DENND4C: variants seen among roughly 807,000 people sequenced by gnomAD.
DENND4C encodes the protein DENN domain containing 4C, also known as DENN domain-containing protein 4C.
Under a neutral mutation model 203.0 loss-of-function variants are expected in DENND4C, and 108 were observed. The ratio of observed to expected loss-of-function variants is 0.53; its 90% CI spans 0.46 to 0.62. The LOEUF (loss-of-function observed/expected upper bound fraction) is 0.62, where lower values mean the gene tolerates loss of function less well. DENND4C is among the 20% of genes least tolerant of loss of function. The probability of loss-of-function intolerance (pLI) is 0.00; values close to 1 mark genes in which losing one functional copy is unlikely to be tolerated. For missense variants in DENND4C, 2,481 were observed against 2,301.2 expected, an observed-to-expected ratio of 1.08 and a Z score of -1.60; for synonymous variants, 871 against 792.4, an observed-to-expected ratio of 1.10 and a Z score of -1.67.
intron 1 of DENND4C, among the ~76,000 whole-genome samples, chr9:19,274,556 A>C (rs766311910): frequency 6.6e-6 from 1 of 152,200 alleles, no homozygotes; most frequent in Non-Finnish European, 1.5e-5. Context: ...CGGCCTTCCA[A>C]AGTGCTGGGA....
intron 20 of DENND4C, among the ~76,000 whole-genome samples, chr9:19,340,027 G>A (rs1018805620): frequency 4.6e-5 from 7 of 152,034 alleles, no homozygotes; most frequent in African/African-American, 1.7e-4. Context: ...ATGTTTCTGA[G>A]CACTACCTTT....
At chr9:19,239,365 ATTATT>A (rs1823106199) in intron 1 of DENND4C, among the ~76,000 whole-genome samples, 1 of 152,040 alleles carries the variant, frequency 6.6e-6, no homozygotes, top group Non-Finnish European at 1.5e-5. Flanking sequence ...TTAGGAGACT[ATTATT>A]TAATTTCTAA....
At chr9:19,267,088 A>G (rs897365279) in intron 1 of DENND4C, among the ~76,000 whole-genome samples, 3 of 152,174 alleles carry the variant, frequency 2.0e-5, no homozygotes, top group Non-Finnish European at 2.9e-5. Flanking sequence ...TATATTCTGC[A>G]GCCGTTAGAT....
In DENND4C at chr9:19,335,401, A is replaced by G. The variant is rs550493060; in HGVS notation, c.2589+296A>G. On this transcript the variant is annotated intron_variant, in intron 18 of 32. Transcript: ENST00000434457. ...CTTAGAAATTTTCAAAATACAATACATTGTTATTAACTGTAGTCCCCATGT... is the reference window on the plus strand; with the variant it reads ...CTTAGAAATTTTCAAAATACAATACGTTGTTATTAACTGTAGTCCCCATGT... Among the ~76,000 whole-genome samples the G allele has an allele frequency of 4.0e-4, 61 of 152,262 alleles. 1 individual carries two copies. In the South Asian group the frequency reaches 0.011, roughly 28 times the overall value.
chr9:19,250,566 C>T (rs2131596750), intron 1 of DENND4C, among the ~76,000 whole-genome samples: 1 of 152,226 alleles, frequency 6.6e-6, no homozygotes, highest in South Asian at 2.1e-4. Context: ...CTCAAAAGTC[C>T]ACAGTCCAAA....
At chr9:19,301,306 CTCTCT>C in intron 9 of DENND4C, among the ~76,000 whole-genome samples, 1 of 152,320 alleles carries the variant, frequency 6.6e-6, no homozygotes, top group Non-Finnish European at 1.5e-5. Flanking sequence ...AAATAGCTGA[CTCTCT>C]TCTCTTCCCT....
chr9:19,246,739 T>C (rs1825370133), intron 1 of DENND4C, among the ~76,000 whole-genome samples: 1 of 152,196 alleles, frequency 6.6e-6, no homozygotes, highest in Admixed American at 6.6e-5. Context: ...GTTTGTTTGT[T>C]TTATTTTTAT....
In DENND4C at chr9:19,373,114, T is replaced by C. The variant is rs1829115610; in HGVS notation, c.*941T>C. The C allele has an allele frequency of 6.6e-6, 1 of 152,192 alleles. No homozygotes were observed. The highest frequency in any genetic ancestry group is 2.1e-4 in the South Asian group (1 of 4,834). The allele number at this position is 152,192 out of a possible 1,614,324, so 9.4% of individuals were successfully genotyped here. ...AGCTGCCTTCCCTAACTTTAATGTATTAGGTTGGCACAAAATTAATTGTAG... is the reference window on the plus strand; with the variant it reads ...AGCTGCCTTCCCTAACTTTAATGTACTAGGTTGGCACAAAATTAATTGTAG... On this transcript the variant is annotated 3_prime_UTR_variant, in exon 33 of 33. Transcript: ENST00000434457.
chr9:19,344,236 A>G (rs1043059457), intron 22 of DENND4C, among the ~76,000 whole-genome samples: 4 of 152,230 alleles, frequency 2.6e-5, no homozygotes, highest in Non-Finnish European at 5.9e-5. Flanking sequence ...AGCAATGGAT[A>G]AAAAAGAAAA....
intron 16 of DENND4C, among the ~76,000 whole-genome samples, chr9:19,328,589 G>T (rs1175759695): frequency 6.6e-6 from 1 of 151,966 alleles, no homozygotes; most frequent in Non-Finnish European, 1.5e-5. Flanking sequence ...CTCCAGCCTG[G>T]GTGACAAGAG....
chr9:19,234,747 T>A (rs1821479313), intron 1 of DENND4C, among the ~76,000 whole-genome samples: 2 of 151,910 alleles, frequency 1.3e-5, no homozygotes, highest in South Asian at 4.2e-4. Flanking sequence ...TTTGCCATAT[T>A]GCCCAGGCTG....
chr9:19,333,690 T>C (rs1330390094), intron 17 of DENND4C, among the ~76,000 whole-genome samples: 1 of 152,176 alleles, frequency 6.6e-6, no homozygotes, highest in African/African-American at 2.4e-5. Context: ...ATGCATTTTC[T>C]CTCTCAAGCC....
rs560581162 is a variant in DENND4C at position 19,333,525 on chromosome 9, G to A, written c.2460+1341G>A. Among the ~76,000 whole-genome samples the A allele has an allele frequency of 5.9e-5, 9 of 152,176 alleles. No homozygotes were observed. The South Asian group carries it at 1.2e-3, about 21-fold the overall frequency. ...GATCATGACAATCAAAAATGTTCCC[G>A]GAGAGCGAAATTGCTCCTGGAGAAC... On this transcript the variant is annotated intron_variant, in intron 17 of 32. Coordinates refer to ENST00000434457, the MANE Select transcript of DENND4C (RefSeq NM_001330640.2).
intron 1 of DENND4C, among the ~76,000 whole-genome samples, chr9:19,246,355 G>A (rs1166586651): frequency 1.1e-4 from 16 of 152,108 alleles, no homozygotes; most frequent in Admixed American, 1.0e-3. Flanking sequence ...CCATTGCTGT[G>A]TCTGCTTGTC....
At chr9:19,334,298 G>T (rs1819931678) in intron 17 of DENND4C, among the ~76,000 whole-genome samples, 1 of 152,014 alleles carries the variant, frequency 6.6e-6, no homozygotes, top group African/African-American at 2.4e-5. Context: ...TGATCTGCCT[G>T]CCTGGGCCTC....
In DENND4C at chr9:19,346,980, C is replaced by T. The variant is rs1454016877; in HGVS notation, c.4211C>T (p.Ser1404Leu). The T allele has an allele frequency of 6.2e-7, 1 of 1,614,034 alleles. No individual in the cohort carries two copies. Among genetic ancestry groups the T allele is most frequent in the Non-Finnish European group, 8.5e-7 (1 of 1,180,024 alleles). The change falls in exon 23 of 33, where the codon TCA (serine) becomes TTA (leucine). Residue 1404 changes from serine to leucine, a missense_variant. Coordinates refer to ENST00000434457, the MANE Select transcript of DENND4C (RefSeq NM_001330640.2). ...GGGCTAAAGCTGGATAATATACTCT[C>T]AGGGCCCAAGATAGATGTCCTGAAA... ...LSGLKLDNIL[S>L]GPKIDVLKSG...
At chr9:19,231,550 TTTTTC>T (rs1820562506) in intron 1 of DENND4C, among the ~76,000 whole-genome samples, 1 of 151,872 alleles carries the variant, frequency 6.6e-6, no homozygotes, top group Non-Finnish European at 1.5e-5. Context: ...CGTCTTTTTT[TTTTTC>T]CTCCCCTTTT....
intron 12 of DENND4C, 22 bp downstream of exon 12, chr9:19,316,861 A>G (rs761778212): frequency 1.5e-5 from 23 of 1,571,846 alleles, no homozygotes; most frequent in Non-Finnish European, 1.6e-5. Context: ...TGAAAGTACA[A>G]TTCCTTTTAT....
intron 1 of DENND4C, among the ~76,000 whole-genome samples, chr9:19,263,425 C>T (rs13298594): frequency 0.14 from 21,821 of 150,532 alleles, 1,881 homozygotes; most frequent in East Asian, 0.2. Flanking sequence ...GGCATGATCT[C>T]GGCTCACTGC....
Sources: allele counts gnomAD v4.1 joint callset (sites outside exome capture counted in the v4.1 genomes callset), GRCh38; gene constraint gnomAD v4.1.1; transcripts MANE v1.5; gene names NCBI Gene and HGNC (gene_info 2026-07-23, HGNC 2026-07-21).